The following USP45 variants were observed in gnomAD, a reference collection of about 807,000 sequenced individuals.
USP45 encodes ubiquitin specific peptidase 45, also known as ubiquitin carboxyl-terminal hydrolase 45.
USP45 carries 89 observed loss-of-function variants against 95.8 expected under a neutral mutation model. That is an observed-to-expected ratio of 0.93 (90% confidence interval 0.78 to 1.11). USP45 has a LOEUF of 1.11. Among genes scored for constraint, USP45 ranks in the 50% least tolerant of loss-of-function variants. The pLI, the probability that USP45 is intolerant of heterozygous loss-of-function variation, is 0.00. For synonymous variants in USP45, 281 were observed against 316.2 expected (o/e 0.89, Z 1.18); for missense variants, 898 against 942.5 (o/e 0.95, Z 0.62).
intron 4 of USP45, among the ~76,000 whole-genome samples, chr6:99,505,584 T>G (rs1798330359): frequency 7.2e-6 from 1 of 139,622 alleles, no homozygotes; most frequent in African/African-American, 2.7e-5. Flanking sequence ...GAGGTTGCAG[T>G]GAGCCGAGAT....
intron 1 of USP45, among the ~76,000 whole-genome samples, chr6:99,513,782 G>A (rs60534676): frequency 7.2e-4 from 110 of 152,210 alleles, no homozygotes; most frequent in African/African-American, 2.5e-3. Context: ...CCCAGAATTC[G>A]GCAATTATTT....
At chr6:99,440,590 T>C (rs1781342570) in intron 15 of USP45, among the ~76,000 whole-genome samples, 1 of 152,210 alleles carries the variant, frequency 6.6e-6, no homozygotes, top group African/African-American at 2.4e-5. Context: ...AGGGGCAACC[T>C]GTCATGACGT....
intron 2 of USP45, among the ~76,000 whole-genome samples, chr6:99,509,693 A>G (rs1799354581): frequency 6.6e-6 from 1 of 152,142 alleles, no homozygotes; most frequent in Admixed American, 6.5e-5. Flanking sequence ...GTTATAAACT[A>G]AACAAAATCC....
At chr6:99,499,291 T>C (rs1796920125) in intron 5 of USP45, among the ~76,000 whole-genome samples, 1 of 152,174 alleles carries the variant, frequency 6.6e-6, no homozygotes, top group Non-Finnish European at 1.5e-5. Context: ...CCAAACACAA[T>C]AATACAGTTT....
chr6:99,482,836 G>C lies in USP45; in HGVS notation c.762C>G (p.Ala254=), dbSNP rs1285623389. 6.2e-7 allele frequency: 1 copy of C among 1,605,166 alleles called. No homozygotes were observed. Residue 254 remains alanine, a synonymous_variant, in exon 8 of 18, where the codon GCC becomes GCG. Transcript: ENST00000500704. ...ELSRPGPLTS[A]LFLFLHSMKE... is the part of the protein sequence containing the mutation. ...TCATGCTGTGAAGAAACAGGAACAA[G>C]GCTGAGGTCAGTGGTCCAGGCCTTG...
upstream of USP45, among the ~76,000 whole-genome samples, chr6:99,517,443 G>GT (rs201818477): frequency 0.031 from 4,650 of 148,364 alleles, 238 homozygotes; most frequent in African/African-American, 0.11. Flanking sequence ...TCCTTTTTTT[G>GT]TTTTTTTTTG....
chr6:99,466,156 T>C (rs772626132), intron 11 of USP45, among the ~76,000 whole-genome samples: 7 of 152,066 alleles, frequency 4.6e-5, no homozygotes, highest in Non-Finnish European at 7.4e-5. Context: ...ATTGGGACTA[T>C]AGGCACCCAC....
chr6:99,465,438 C>T (rs1033350615), intron 11 of USP45, among the ~76,000 whole-genome samples: 22 of 152,134 alleles, frequency 1.4e-4, no homozygotes, highest in African/African-American at 5.1e-4. Context: ...AGAGACTAGA[C>T]ATTTTTGGTT....
Position 99,482,898 on chromosome 6 carries a change from T to A in USP45, c.715-15A>T, listed in dbSNP as rs1792779405. 1 of 1,492,996 alleles carries A rather than the reference T, an allele frequency of 6.7e-7. No individual in the cohort carries two copies. Among genetic ancestry groups the A allele is most frequent in the Non-Finnish European group, 8.9e-7 (1 of 1,122,584 alleles). The allele number at this position is 1,492,996 out of a possible 1,614,324, so 92.5% of individuals were successfully genotyped here. On this transcript the variant is annotated splice_polypyrimidine_tract_variant and intron_variant, in intron 7 of 17. Transcript: ENST00000500704. The stretch of plus-strand genomic sequence containing the variant: ...ACCAATGGGTCCTTTAAAAACATGA[T>A]CAACTCTATGTCAGAAATGTACAAT...
chr6:99,516,044 T>C (rs1801078896), upstream of USP45, among the ~76,000 whole-genome samples: 1 of 152,066 alleles, frequency 6.6e-6, no homozygotes, highest in African/African-American at 2.4e-5. Flanking sequence ...CCCAAAGTGC[T>C]GGGATCACAG....
intron 7 of USP45, among the ~76,000 whole-genome samples, chr6:99,485,798 T>C (rs1285171232): frequency 1.3e-5 from 2 of 152,326 alleles, no homozygotes; most frequent in South Asian, 4.1e-4. Context: ...TAACTGGGGT[T>C]TGTAACAAGA....
Position 99,503,859 on chromosome 6 carries a change from A to AT in USP45, c.383dup (p.Tyr128Ter). The change falls in exon 5 of 18, where the codon TAT becomes TAAT. Residue 128 changes from tyrosine (Y) to a stop codon, truncating the protein, a stop_gained and frameshift_variant. Coordinates refer to ENST00000500704, the MANE Select transcript of USP45 (RefSeq NM_001346022.3). LOFTEE classifies it high-confidence loss of function. ...INLSTWIIWC[Y>*]ECDEKLSTHC... is the part of the protein sequence containing the mutation. ...GCGTTGATAATTTTTCATCACATTCATAACACCTGAAAAAGTATAAAATTT... is the reference window on the plus strand; with the variant it reads ...GCGTTGATAATTTTTCATCACATTCATTAACACCTGAAAAAGTATAAAATTT... The AT allele has an allele frequency of 1.3e-6, 2 of 1,568,460 alleles. No individual in the cohort carries two copies. The highest frequency in any genetic ancestry group is 1.2e-5 in the South Asian group (1 of 81,112).
At chr6:99,487,375 G>T (rs1794160113) in intron 7 of USP45, among the ~76,000 whole-genome samples, 1 of 152,092 alleles carries the variant, frequency 6.6e-6, no homozygotes. Flanking sequence ...TATTCTGTGG[G>T]ATTATCTGAA....
intron 15 of USP45, among the ~76,000 whole-genome samples, chr6:99,441,467 G>A (rs1158107214): frequency 6.6e-6 from 1 of 151,952 alleles, no homozygotes; most frequent in African/African-American, 2.4e-5. Context: ...AGGAGGCGGA[G>A]GTTGCAGTGA....
intron 4 of USP45, 23 bp from the exon 5 acceptor site, chr6:99,503,888 A>T: frequency 6.9e-7 from 1 of 1,446,064 alleles, no homozygotes; most frequent in East Asian, 2.4e-5. Flanking sequence ...AAAATTTAAG[A>T]AAATATTATG....
At chr6:99,481,220 CAT>C (rs1401005970) in intron 8 of USP45, among the ~76,000 whole-genome samples, 3 of 152,176 alleles carry the variant, frequency 2.0e-5, no homozygotes, top group African/African-American at 2.4e-5. Flanking sequence ...GTTATACACA[CAT>C]GTGCTAACAT....
intron 5 of USP45, among the ~76,000 whole-genome samples, chr6:99,495,295 A>C (rs1796066524): frequency 6.6e-6 from 1 of 152,210 alleles, no homozygotes. Flanking sequence ...GAAAACAACC[A>C]ATAGTGGGTT....
intron 1 of USP45, among the ~76,000 whole-genome samples, chr6:99,513,553 G>A (rs548557655): frequency 1.3e-5 from 2 of 152,272 alleles, no homozygotes; most frequent in East Asian, 3.9e-4. Flanking sequence ...ATATTTTCTC[G>A]CTGTGGTACA....
chr6:99,475,793 G>A (rs912494895), intron 9 of USP45, among the ~76,000 whole-genome samples: 2 of 142,120 alleles, frequency 1.4e-5, no homozygotes, highest in African/African-American at 2.6e-5. Context: ...CTTTTAAATT[G>A]TAATAGAAAT....
Sources: allele counts gnomAD v4.1 joint callset (sites outside exome capture counted in the v4.1 genomes callset), GRCh38; gene constraint gnomAD v4.1.1; transcripts MANE v1.5; gene names NCBI Gene and HGNC (gene_info 2026-07-23, HGNC 2026-07-21).